TRIM44: variants seen among roughly 807,000 people sequenced by gnomAD.
TRIM44 encodes the protein tripartite motif-containing protein 44.
Under a neutral mutation model 37.4 loss-of-function variants are expected in TRIM44, and 13 were observed. The observed-to-expected ratio is 0.35, with a 90% confidence interval of 0.23 to 0.55. The LOEUF (loss-of-function observed/expected upper bound fraction) is 0.55. TRIM44 is among the 20% of genes least tolerant of loss of function. The probability of loss-of-function intolerance (pLI) is 0.89; values close to 1 mark genes in which losing one functional copy is unlikely to be tolerated. For missense variants in TRIM44, 426 were observed against 437.2 expected, an observed-to-expected ratio of 0.97 and a Z score of 0.23; for synonymous variants, 175 against 157.2, an observed-to-expected ratio of 1.11 and a Z score of -0.85.
intron 2 of TRIM44, among the ~76,000 whole-genome samples, chr11:35,693,482 T>C (rs1022854515): frequency 1.3e-5 from 2 of 152,106 alleles, no homozygotes; most frequent in African/African-American, 4.8e-5. Context: ...TGGAGTATAC[T>C]GTTTGCAGGA....
intron 3 of TRIM44, among the ~76,000 whole-genome samples, chr11:35,731,314 T>C (rs1176942244): frequency 1.3e-5 from 2 of 152,348 alleles, no homozygotes; most frequent in East Asian, 1.9e-4. Context: ...TTGTGAGATA[T>C]ATCTTCTGTA....
intron 4 of TRIM44, among the ~76,000 whole-genome samples, chr11:35,797,248 A>G (rs1042934713): frequency 3.6e-4 from 55 of 152,348 alleles, no homozygotes; most frequent in African/African-American, 1.3e-3. Flanking sequence ...ACAAAATAGT[A>G]ATATTGGATT....
At chr11:35,700,955 C>T (rs778096272) in intron 2 of TRIM44, among the ~76,000 whole-genome samples, 17 of 152,064 alleles carry the variant, frequency 1.1e-4, no homozygotes, top group Non-Finnish European at 1.8e-4. Flanking sequence ...ATTACACACA[C>T]GATACATGTA....
In TRIM44 at chr11:35,763,720, C is replaced by G. The variant is rs1852757674; in HGVS notation, c.1007+28275C>G. ...AAGATGTTACAAAAACCTAGTTTTG[C>G]ATTTGTCTGCTTCTATTGGGTTGTG... On this transcript the variant is annotated intron_variant, in intron 4 of 4. Coordinates refer to ENST00000299413, the MANE Select transcript of TRIM44 (RefSeq NM_017583.6). Among the ~76,000 whole-genome samples, 3 of 152,198 alleles carry G rather than the reference C, an allele frequency of 2.0e-5. No individual in the cohort carries two copies. In the South Asian group the frequency reaches 6.2e-4, roughly 32 times the overall value.
At chr11:35,703,048 C>T (rs918391863) in intron 2 of TRIM44, among the ~76,000 whole-genome samples, 14 of 152,194 alleles carry the variant, frequency 9.2e-5, no homozygotes, top group Admixed American at 1.3e-4. Context: ...CGGGTCACTC[C>T]CACCCTAATA....
intron 4 of TRIM44, among the ~76,000 whole-genome samples, chr11:35,804,923 AT>A (rs1408579287): frequency 6.6e-6 from 1 of 152,202 alleles, no homozygotes; most frequent in Non-Finnish European, 1.5e-5. Context: ...GCTGCCTAGG[AT>A]ATTTTCCCTT....
At chr11:35,718,423 A>AT (rs989980910) in intron 2 of TRIM44, among the ~76,000 whole-genome samples, 7 of 152,144 alleles carry the variant, frequency 4.6e-5, no homozygotes, top group Admixed American at 3.3e-4. Flanking sequence ...AAAAATAGAT[A>AT]TTTTTTAGCA....
At chr11:35,666,611 A>T (rs1359114715) in intron 1 of TRIM44, among the ~76,000 whole-genome samples, 2 of 152,168 alleles carry the variant, frequency 1.3e-5, no homozygotes, top group African/African-American at 4.8e-5. Flanking sequence ...TATTGTAGAA[A>T]ATATGAGCCA....
chr11:35,702,518 G>A (rs905266523), intron 2 of TRIM44, among the ~76,000 whole-genome samples: 10 of 152,242 alleles, frequency 6.6e-5, no homozygotes, highest in African/African-American at 1.9e-4. Context: ...TTTATTGAGC[G>A]CCAGCTGTGA....
chr11:35,754,635 C>T (rs1232476968), intron 4 of TRIM44, among the ~76,000 whole-genome samples: 1 of 151,546 alleles, frequency 6.6e-6, no homozygotes. Flanking sequence ...AGGTATATCT[C>T]CTAATGCTAT....
chr11:35,713,234 A>G (rs779792589), intron 2 of TRIM44, among the ~76,000 whole-genome samples: 3 of 152,200 alleles, frequency 2.0e-5, no homozygotes, highest in Non-Finnish European at 2.9e-5. Flanking sequence ...TTACCTCTGC[A>G]GCAGGCAAAA....
chr11:35,663,738 C>A lies in TRIM44; in HGVS notation c.627C>A (p.Gly209=). 6.2e-7 allele frequency: 1 copy of A among 1,614,002 alleles called. No homozygotes were observed. Among genetic ancestry groups the A allele is most frequent in the Non-Finnish European group, 8.5e-7 (1 of 1,179,998 alleles). Reference sequence around the variant, plus strand: ...GTCCAGTCATTGGGGCTCACCAGGGCCACCAACTCTCCACCCTAGACGAAG... The same window carrying A: ...GTCCAGTCATTGGGGCTCACCAGGGACACCAACTCTCCACCCTAGACGAAG... The part of the protein sequence containing the change: ...VLCPVIGAHQ[G]HQLSTLDEAF... Residue 209 remains glycine (G), a synonymous_variant, in exon 1 of 5, where the codon GGC becomes GGA. Transcript: ENST00000299413.
chr11:35,746,853 T>G (rs1311912659), intron 4 of TRIM44, among the ~76,000 whole-genome samples: 2 of 152,200 alleles, frequency 1.3e-5, no homozygotes, highest in Non-Finnish European at 2.9e-5. Flanking sequence ...AACATTTTCT[T>G]ATATAAATGC....
At chr11:35,720,408 G>GT (rs1355001047) in intron 2 of TRIM44, among the ~76,000 whole-genome samples, 8 of 144,640 alleles carry the variant, frequency 5.5e-5, no homozygotes, top group South Asian at 2.2e-4. Flanking sequence ...GTTCCAGGAG[G>GT]TTTTTTTCTT....
At chr11:35,797,807 CTGAGTG>C (rs1853313245) in intron 4 of TRIM44, among the ~76,000 whole-genome samples, 1 of 152,140 alleles carries the variant, frequency 6.6e-6, no homozygotes, top group African/African-American at 2.4e-5. Context: ...ATGTGGTATT[CTGAGTG>C]AAATCTGGAG....
At chr11:35,679,598 A>G (rs1318684925) in intron 1 of TRIM44, among the ~76,000 whole-genome samples, 2 of 152,210 alleles carry the variant, frequency 1.3e-5, no homozygotes, top group African/African-American at 4.8e-5. Flanking sequence ...GCCTAAAGTG[A>G]GTAGTTGCTA....
chr11:35,684,461 C>A (rs1474891962), intron 1 of TRIM44, among the ~76,000 whole-genome samples: 1 of 152,158 alleles, frequency 6.6e-6, no homozygotes, highest in Non-Finnish European at 1.5e-5. Context: ...ATAGTAATAG[C>A]ATATGAAATT....
At chr11:35,727,716 A>G (rs1215746278) in intron 3 of TRIM44, among the ~76,000 whole-genome samples, 1 of 152,162 alleles carries the variant, frequency 6.6e-6, no homozygotes, top group African/African-American at 2.4e-5. Flanking sequence ...TACTGACCCA[A>G]TATCATTTAG....
chr11:35,684,486 G>C (rs999277443), intron 1 of TRIM44, among the ~76,000 whole-genome samples: 9 of 152,128 alleles, frequency 5.9e-5, no homozygotes, highest in African/African-American at 1.9e-4. Flanking sequence ...AGCACTCACT[G>C]TGTGCCACAT....
Sources: allele counts gnomAD v4.1 joint callset (sites outside exome capture counted in the v4.1 genomes callset), GRCh38; gene constraint gnomAD v4.1.1; transcripts MANE v1.5; gene names NCBI Gene and HGNC (gene_info 2026-07-23, HGNC 2026-07-21).